Variants in ALK observed in about 807,000 individuals in gnomAD.
ALK encodes ALK tyrosine kinase receptor.
Under a neutral mutation model 163.1 loss-of-function variants are expected in ALK, and 74 were observed. That is an observed-to-expected ratio of 0.45 (90% confidence interval 0.38 to 0.55). ALK has a LOEUF of 0.55. ALK is among the 20% of genes least tolerant of loss of function. ALK has a pLI of 0.00. For synonymous variants in ALK, 960 were observed against 843.2 expected (o/e 1.14, Z -2.40); for missense variants, 2,063 against 2,105.3 (o/e 0.98, Z 0.39).
intron 4 of ALK, among the ~76,000 whole-genome samples, chr2:29,491,653 C>G (rs1671905818): frequency 4.6e-5 from 7 of 152,208 alleles, no homozygotes; most frequent in Admixed American, 3.9e-4. Context: ...GAACGCCAGT[C>G]CCTCTGGTTT....
At chr2:29,359,707 C>G (rs1389384535) in intron 5 of ALK, among the ~76,000 whole-genome samples, 1 of 152,182 alleles carries the variant, frequency 6.6e-6, no homozygotes, top group Non-Finnish European at 1.5e-5. Flanking sequence ...CTGCTTCAGC[C>G]ACTCATCTCC....
intron 3 of ALK, among the ~76,000 whole-genome samples, chr2:29,631,523 G>A (rs929382277): frequency 6.6e-6 from 1 of 152,240 alleles, no homozygotes. Flanking sequence ...CACAGGACTG[G>A]AACAGGAGTT....
intron 1 of ALK, among the ~76,000 whole-genome samples, chr2:29,783,346 T>C (rs1663897183): frequency 6.6e-6 from 1 of 152,218 alleles, no homozygotes; most frequent in Non-Finnish European, 1.5e-5. Flanking sequence ...CAATTATGTG[T>C]CAAGTCACAG....
chr2:29,531,382 G>A (rs1673113333), intron 4 of ALK, among the ~76,000 whole-genome samples: 2 of 152,094 alleles, frequency 1.3e-5, no homozygotes, highest in African/African-American at 4.8e-5. Flanking sequence ...GGATTCCACT[G>A]TCATATGTCT....
chr2:29,891,207 C>T (rs1295162535), intron 1 of ALK, among the ~76,000 whole-genome samples: 1 of 152,170 alleles, frequency 6.6e-6, no homozygotes, highest in African/African-American at 2.4e-5. Flanking sequence ...ACACCTGTAA[C>T]ATCACAGTAT....
At chr2:29,767,000 G>A (rs1680882723) in intron 1 of ALK, among the ~76,000 whole-genome samples, 2 of 152,092 alleles carry the variant, frequency 1.3e-5, no homozygotes, top group African/African-American at 4.8e-5. Flanking sequence ...ACCCAAAGAG[G>A]GCAGAGTTGA....
intron 3 of ALK, among the ~76,000 whole-genome samples, chr2:29,635,507 G>C (rs1044192328): frequency 6.6e-6 from 1 of 152,190 alleles, no homozygotes; most frequent in Admixed American, 6.6e-5. Context: ...AGCTGGAAGA[G>C]GCAAGGAAAG....
At chr2:29,331,025 G>A (rs912559110) in intron 5 of ALK, among the ~76,000 whole-genome samples, 1 of 152,128 alleles carries the variant, frequency 6.6e-6, no homozygotes, top group East Asian at 1.9e-4. Flanking sequence ...ACACTCCATC[G>A]AAACCTGACT....
At chr2:29,860,558 A>T (rs1666254023) in intron 1 of ALK, among the ~76,000 whole-genome samples, 1 of 152,210 alleles carries the variant, frequency 6.6e-6, no homozygotes, top group Admixed American at 6.5e-5. Context: ...AGAATATTCC[A>T]CCTAACAGCA....
At chr2:29,313,474 G>T (rs1171633935) in intron 8 of ALK, among the ~76,000 whole-genome samples, 2 of 151,698 alleles carry the variant, frequency 1.3e-5, no homozygotes, top group Non-Finnish European at 2.9e-5. Flanking sequence ...TACACAATGG[G>T]GTGGGATTCT....
Position 29,296,963 on chromosome 2 carries a change from A to G in ALK, c.1742T>C (p.Val581Ala), listed in dbSNP as rs768980274. Reference sequence around the variant, plus strand: ...GCCTTCATAGGCGGCGACATGCCAGACCATCCTGCCTTGCTCCTTCCCGGT... The same window carrying G: ...GCCTTCATAGGCGGCGACATGCCAGGCCATCCTGCCTTGCTCCTTCCCGGT... Reference protein sequence around the residue: ...NKTGKEQGRMVWHVAAYEGLS... With the variant: ...NKTGKEQGRMAWHVAAYEGLS... Residue 581 changes from valine (V) to alanine (A), a missense_variant, in exon 9 of 29, where the codon GTC becomes GCC. Physicochemically the swap from Val to Ala is moderately conservative, Grantham distance 64. Transcript: ENST00000389048. 6.2e-7 allele frequency: 1 copy of G among 1,614,198 alleles called. No homozygotes were observed. Among genetic ancestry groups the G allele is most frequent in the South Asian group, 1.1e-5 (1 of 91,080 alleles).
chr2:29,570,320 A>C (rs975571623), intron 3 of ALK, among the ~76,000 whole-genome samples: 1 of 152,352 alleles, frequency 6.6e-6, no homozygotes, highest in African/African-American at 2.4e-5. Context: ...GTTTTAGGAA[A>C]AGAGTTGATA....
chr2:29,807,582 G>A (rs1021902436), intron 1 of ALK, among the ~76,000 whole-genome samples: 6 of 152,194 alleles, frequency 3.9e-5, no homozygotes, highest in Non-Finnish European at 7.3e-5. Context: ...GTTGTTTGAA[G>A]GTACAAGTGT....
intron 2 of ALK, among the ~76,000 whole-genome samples, chr2:29,706,884 G>T (rs956547751): frequency 3.9e-5 from 6 of 152,080 alleles, no homozygotes; most frequent in Admixed American, 3.3e-4. Flanking sequence ...ATGGCCTAGG[G>T]CTTGGAGCAG....
At chr2:29,242,367 G>A (rs1352885140) in intron 12 of ALK, among the ~76,000 whole-genome samples, 1 of 152,148 alleles carries the variant, frequency 6.6e-6, no homozygotes, top group Non-Finnish European at 1.5e-5. Flanking sequence ...CATTCCTTTT[G>A]GCATCATTTG....
At chr2:29,698,062 C>A (rs1285794522) in intron 2 of ALK, among the ~76,000 whole-genome samples, 1 of 152,192 alleles carries the variant, frequency 6.6e-6, no homozygotes, top group East Asian at 1.9e-4. Flanking sequence ...GAGCTGCCAT[C>A]CTTCTGGCCC....
intron 24 of ALK, among the ~76,000 whole-genome samples, chr2:29,211,157 T>A (rs1669456412): frequency 1.3e-5 from 2 of 152,114 alleles, no homozygotes; most frequent in Non-Finnish European, 2.9e-5. Flanking sequence ...TGACTGAGGG[T>A]ACAAGAATAA....
At chr2:29,581,823 G>C (rs1035541615) in intron 3 of ALK, among the ~76,000 whole-genome samples, 3 of 152,128 alleles carry the variant, frequency 2.0e-5, no homozygotes, top group African/African-American at 7.2e-5. Flanking sequence ...TGCCTCTGCT[G>C]AGTTTTTGCT....
chr2:29,499,659 AAATCC>A (rs751948205), intron 4 of ALK, among the ~76,000 whole-genome samples: 23 of 151,986 alleles, frequency 1.5e-4, no homozygotes, highest in Non-Finnish European at 2.9e-4. Flanking sequence ...CTCAGGCTGA[AAATCC>A]AAACCCCAGC....
Sources: allele counts gnomAD v4.1 joint callset (sites outside exome capture counted in the v4.1 genomes callset), GRCh38; gene constraint gnomAD v4.1.1; transcripts MANE v1.5; gene names NCBI Gene and HGNC (gene_info 2026-07-23, HGNC 2026-07-21).